Variants in DYRK1A observed in about 807,000 individuals in gnomAD.
DYRK1A encodes dual specificity tyrosine-phosphorylation-regulated kinase 1A.
DYRK1A carries 9 observed loss-of-function variants against 79.7 expected under a neutral mutation model. The ratio of observed to expected loss-of-function variants is 0.11; its 90% CI spans 0.07 to 0.20. The LOEUF (loss-of-function observed/expected upper bound fraction) is 0.20, where lower values mean the gene tolerates loss of function less well. DYRK1A is among the 10% of genes least tolerant of loss of function. The pLI, the probability that DYRK1A is intolerant of heterozygous loss-of-function variation, is 1.00. For missense variants in DYRK1A, 622 were observed against 956.0 expected, an observed-to-expected ratio of 0.65 and a Z score of 4.61; for synonymous variants, 349 against 329.7, an observed-to-expected ratio of 1.06 and a Z score of -0.63.
intron 1 of DYRK1A, among the ~76,000 whole-genome samples, chr21:37,377,758 CTA>C (rs995067752): frequency 2.0e-5 from 3 of 152,216 alleles, no homozygotes; most frequent in African/African-American, 7.2e-5. Flanking sequence ...TGCCCAGCCT[CTA>C]TTGTTCTTAA....
At chr21:37,428,020 A>G (rs2148446103) in intron 2 of DYRK1A, among the ~76,000 whole-genome samples, 1 of 152,222 alleles carries the variant, frequency 6.6e-6, no homozygotes, top group South Asian at 2.1e-4. Context: ...ACAGGTATTA[A>G]CTTATTTACT....
rs1455330612 is a variant in DYRK1A at position 37,522,402 on chromosome 21, G to A, written c.*9871G>A. 6.6e-6 allele frequency: 1 copy of A among 152,236 alleles called. No homozygotes were observed. Among genetic ancestry groups the A allele is most frequent in the African/African-American group, 2.4e-5 (1 of 41,436 alleles). The allele number at this position is 152,236 out of a possible 1,614,324, so 9.4% of individuals were successfully genotyped here. ...GCAGAAGATGACACAACTGACCAGCGACAGTCTGTCTTCTAGTCAGGCCTC... is the reference window on the plus strand; with the variant it reads ...GCAGAAGATGACACAACTGACCAGCAACAGTCTGTCTTCTAGTCAGGCCTC... On this transcript the variant is annotated 3_prime_UTR_variant, in exon 12 of 12. Coordinates refer to ENST00000647188, the MANE Select transcript of DYRK1A (RefSeq NM_001347721.2).
chr21:37,413,346 T>C (rs776333965), intron 1 of DYRK1A, among the ~76,000 whole-genome samples: 2 of 152,172 alleles, frequency 1.3e-5, no homozygotes, highest in African/African-American at 2.4e-5. Flanking sequence ...AAAGTACATA[T>C]AACCAACTAA....
At chr21:37,504,665 C>T (rs1001984462) in intron 9 of DYRK1A, 4 of 152,200 alleles carry the variant, frequency 2.6e-5, no homozygotes, top group Non-Finnish European at 5.9e-5. Context: ...TCTCAACACA[C>T]GTTAGTTTAT....
intron 2 of DYRK1A, among the ~76,000 whole-genome samples, chr21:37,469,997 T>C (rs987271767): frequency 2.0e-5 from 3 of 151,960 alleles, no homozygotes; most frequent in South Asian, 2.1e-4. Flanking sequence ...TACAAAAAAT[T>C]AGCCAGCGTG....
At chr21:37,479,505 CAA>C (rs1000178898) in intron 4 of DYRK1A, among the ~76,000 whole-genome samples, 8 of 148,424 alleles carry the variant, frequency 5.4e-5, no homozygotes, top group African/African-American at 2.0e-4. Flanking sequence ...ATAATTTCGC[CAA>C]AGTTAGTTTA....
At position 37,525,110 on chromosome 21, in the gene DYRK1A, G is replaced by C. The variant is rs909049925; in HGVS notation, c.*12579G>C. The C allele has an allele frequency of 6.6e-6, 1 of 152,188 alleles. No homozygotes were observed. Among genetic ancestry groups the C allele is most frequent in the Admixed American group, 6.5e-5 (1 of 15,276 alleles). 9.4% of individuals were successfully genotyped at this position (152,188 alleles called of 1,614,324 possible). A position where few individuals can be genotyped will look rare whatever the true frequency, so the allele number is the denominator to read the frequency against. On this transcript the variant is annotated 3_prime_UTR_variant, in exon 12 of 12. Coordinates refer to ENST00000647188, the MANE Select transcript of DYRK1A (RefSeq NM_001347721.2). The stretch of plus-strand genomic sequence containing the variant: ...TGAGAACATTGTCTCAAAACAAAAA[G>C]TTGAGAAAACGAATTCAGTACACCC...
At chr21:37,492,354 A>G (rs947105040) in intron 7 of DYRK1A, among the ~76,000 whole-genome samples, 1 of 152,194 alleles carries the variant, frequency 6.6e-6, no homozygotes, top group East Asian at 1.9e-4. Flanking sequence ...AAGTGAAACA[A>G]ATTGGTCTCT....
intron 6 of DYRK1A, chr21:37,487,091 A>G (rs2052898275): frequency 1.3e-5 from 2 of 152,220 alleles, no homozygotes; most frequent in Non-Finnish European, 1.5e-5. Context: ...ATTTACAACT[A>G]CAGAAAAGAG....
intron 2 of DYRK1A, among the ~76,000 whole-genome samples, chr21:37,429,893 C>G (rs1024145737): frequency 1.3e-5 from 2 of 152,196 alleles, no homozygotes; most frequent in African/African-American, 4.8e-5. Flanking sequence ...TAAAATTCTT[C>G]TCTTGGTTGC....
chr21:37,429,463 A>G (rs1468628920), intron 2 of DYRK1A, among the ~76,000 whole-genome samples: 1 of 152,194 alleles, frequency 6.6e-6, no homozygotes, highest in Non-Finnish European at 1.5e-5. Context: ...ACTTAGAGTC[A>G]TGGTAGAGAG....
chr21:37,498,884 G>T (rs1470890929), intron 9 of DYRK1A, among the ~76,000 whole-genome samples: 1 of 152,112 alleles, frequency 6.6e-6, no homozygotes, highest in Non-Finnish European at 1.5e-5. Context: ...GTTTGCATTT[G>T]CATTTCTTCA....
chr21:37,455,247 C>T (rs2051598136), intron 2 of DYRK1A, among the ~76,000 whole-genome samples: 1 of 152,112 alleles, frequency 6.6e-6, no homozygotes, highest in Non-Finnish European at 1.5e-5. Context: ...AACCTTAGAG[C>T]TGGGACCAGA....
chr21:37,408,246 A>C (rs1319307750), intron 1 of DYRK1A, among the ~76,000 whole-genome samples: 3 of 152,180 alleles, frequency 2.0e-5, no homozygotes, highest in African/African-American at 7.2e-5. Context: ...CCAGTAGCTC[A>C]CTTATTTTGT....
chr21:37,513,501 CTT>C lies in DYRK1A; in HGVS notation c.*973_*974del, dbSNP rs915620476. On this transcript the variant is annotated 3_prime_UTR_variant, in exon 12 of 12. Transcript: ENST00000647188. ...CAAGAGGCCTTTCTTTTAAAATAGA[CTT>C]TTGTGACCCACTAATTGTAAGGTAT... The C allele has an allele frequency of 6.6e-6, 1 of 152,604 alleles. No homozygotes were observed. Among genetic ancestry groups the C allele is most frequent in the Non-Finnish European group, 1.5e-5 (1 of 68,032 alleles). 9.5% of individuals were successfully genotyped at this position (152,604 alleles called of 1,614,324 possible).
chr21:37,369,282 T>G (rs552570034), intron 1 of DYRK1A, among the ~76,000 whole-genome samples: 1 of 152,362 alleles, frequency 6.6e-6, no homozygotes, highest in African/African-American at 2.4e-5. Flanking sequence ...GATCAGTTAC[T>G]TTAGGATAAT....
chr21:37,522,732 C>CA lies in DYRK1A; in HGVS notation c.*10201_*10202insA, dbSNP rs2053943154. On this transcript the variant is annotated 3_prime_UTR_variant, in exon 12 of 12. Coordinates refer to ENST00000647188, the MANE Select transcript of DYRK1A (RefSeq NM_001347721.2). Reference sequence around the variant, plus strand: ...TTTAATTGTGAAACTAGAATCACTTCCAGGAAGCTCTGAAGAATCAAGTCT... The same window carrying CA: ...TTTAATTGTGAAACTAGAATCACTTCACAGGAAGCTCTGAAGAATCAAGTCT... The CA allele has an allele frequency of 6.6e-6, 1 of 152,252 alleles. No homozygotes were observed. Among genetic ancestry groups the CA allele is most frequent in the Non-Finnish European group, 1.5e-5 (1 of 68,048 alleles). 9.4% of individuals were successfully genotyped at this position (152,252 alleles called of 1,614,324 possible). A position where few individuals can be genotyped will look rare whatever the true frequency, so the allele number is the denominator to read the frequency against.
chr21:37,458,925 T>A (rs1298987407), intron 2 of DYRK1A, among the ~76,000 whole-genome samples: 1 of 152,146 alleles, frequency 6.6e-6, no homozygotes. Context: ...AGCCCTCATC[T>A]CCTGACTGAG....
Position 37,493,133 on chromosome 21 carries a change from T to C in DYRK1A, c.1041T>C (p.Thr347=), listed in dbSNP as rs753021800. 6.7e-7 allele frequency: 1 copy of C among 1,502,648 alleles called. No homozygotes were observed. Among genetic ancestry groups the C allele is most frequent in the African/African-American group, 1.4e-5 (1 of 70,706 alleles). The allele number at this position is 1,502,648 out of a possible 1,614,324, so 93.1% of individuals were successfully genotyped here. The change falls in exon 8 of 12, where the codon ACT becomes ACC. Residue 347 remains threonine, a synonymous_variant. Transcript: ENST00000647188. The part of the protein sequence containing the change: ...SLGCILVEMH[T]GEPLFSGANE... ...GGTGTATTTTGGTTGAAATGCACAC[T>C]GGAGAACCTCTGTTCAGTGGTGCCA...
Sources: gnomAD v4.1 joint callset for allele counts (sites outside exome capture counted in the v4.1 genomes callset) on GRCh38, gnomAD v4.1.1 for gene constraint, MANE v1.5 for transcripts, NCBI Gene and HGNC (gene_info 2026-07-23, HGNC 2026-07-21) for gene names.